The following IGDCC3 variants were observed in gnomAD, a reference collection of about 807,000 sequenced individuals.
IGDCC3 encodes putative neuronal cell adhesion molecule.
IGDCC3 carries 47 observed loss-of-function variants against 72.0 expected under a neutral mutation model. The ratio of observed to expected loss-of-function variants is 0.65; its 90% confidence interval spans 0.52 to 0.83. The LOEUF is 0.83. Ranked by LOEUF, IGDCC3 falls within the 40% of genes least tolerant of loss-of-function variation. IGDCC3 has a pLI of 0.00. For synonymous variants in IGDCC3, 477 were observed against 472.8 expected, an observed-to-expected ratio of 1.01 and a Z score of -0.11; for missense variants, 1,038 against 1,091.3, an observed-to-expected ratio of 0.95 and a Z score of 0.69.
intron 2 of IGDCC3, among the ~76,000 whole-genome samples, chr15:65,353,190 C>T (rs1475553398): frequency 2.8e-5 from 4 of 144,416 alleles, no homozygotes; most frequent in Admixed American, 7.0e-5. Flanking sequence ...GACAAGCGTA[C>T]TTTTTTTTTT....
rs570838688 is a variant in IGDCC3 at position 65,377,605 on chromosome 15, G to A, written c.103+81C>T. ...GGTCCGCGCCGCTCTCCCCGGGTCCGCCCCTCGCGCCCGCTCCCTCCCTGC... is the reference window on the plus strand; with the variant it reads ...GGTCCGCGCCGCTCTCCCCGGGTCCACCCCTCGCGCCCGCTCCCTCCCTGC... On this transcript the variant is annotated intron_variant, in intron 1 of 13. Transcript: ENST00000327987. The surrounding 1 kb of genome is among the most constrained non-coding windows in gnomAD (Gnocchi z 4.9). The A allele has an allele frequency of 3.1e-6, 4 of 1,282,344 alleles. No homozygotes were observed. The highest frequency in any genetic ancestry group is 1.6e-5 in the African/African-American group (1 of 63,582). 79.4% of individuals were successfully genotyped at this position (1,282,344 alleles called of 1,614,324 possible). A position where few individuals can be genotyped will look rare whatever the true frequency, so the allele number is the denominator to read the frequency against.
At chr15:65,336,520 G>C (rs1481849288) in intron 2 of IGDCC3, among the ~76,000 whole-genome samples, 1 of 151,486 alleles carries the variant, frequency 6.6e-6, no homozygotes, top group East Asian at 1.9e-4. Flanking sequence ...GCTTTTTTTT[G>C]GTCCCTCCTT....
chr15:65,376,482 G>C (rs2091359382), intron 1 of IGDCC3, among the ~76,000 whole-genome samples: 1 of 152,216 alleles, frequency 6.6e-6, no homozygotes, highest in Non-Finnish European at 1.5e-5. Context: ...CAGATAACTA[G>C]CGATCCTGGA....
In IGDCC3 at chr15:65,329,720, AC is replaced by A; in HGVS notation, c.1997+5del. On this transcript the variant is annotated splice_donor_5th_base_variant and intron_variant, in intron 12 of 13. Coordinates refer to ENST00000327987, the MANE Select transcript of IGDCC3 (RefSeq NM_004884.4). The surrounding 1 kb of genome is among the most constrained non-coding windows in gnomAD (Gnocchi z 4.1). ...GCCCAGCCCCTCTCCCTGGCCCAGG[AC>A]CCACCTGCCCCTTTGGCCGAACAGG... 6.2e-7 allele frequency: 1 copy of A among 1,613,982 alleles called. No homozygotes were observed. The highest frequency in any genetic ancestry group is 8.5e-7 in the Non-Finnish European group (1 of 1,179,964).
chr15:65,345,722 A>G (rs2091119584), intron 2 of IGDCC3, among the ~76,000 whole-genome samples: 1 of 152,238 alleles, frequency 6.6e-6, no homozygotes, highest in Non-Finnish European at 1.5e-5. Flanking sequence ...ATGGTTCTGA[A>G]AAACAAAGAC....
At chr15:65,341,081 C>T (rs969655277) in intron 2 of IGDCC3, among the ~76,000 whole-genome samples, 2 of 152,066 alleles carry the variant, frequency 1.3e-5, no homozygotes, top group Non-Finnish European at 1.5e-5. Flanking sequence ...GTGGCCAGTC[C>T]AAATTGAGAT....
intron 2 of IGDCC3, chr15:65,373,770 G>A (rs1441503676): frequency 2.0e-5 from 3 of 152,674 alleles, no homozygotes; most frequent in Non-Finnish European, 4.4e-5. Context: ...CAGGGCTGTT[G>A]TGATGACAAA....
chr15:65,363,632 G>C (rs924280099), intron 2 of IGDCC3, among the ~76,000 whole-genome samples: 3 of 151,548 alleles, frequency 2.0e-5, no homozygotes, highest in African/African-American at 7.3e-5. Flanking sequence ...GATGATTATG[G>C]CTTCTCCCTG....
At chr15:65,344,929 G>A (rs1274557721) in intron 2 of IGDCC3, among the ~76,000 whole-genome samples, 1 of 152,072 alleles carries the variant, frequency 6.6e-6, no homozygotes, top group Non-Finnish European at 1.5e-5. Context: ...CAGGGAGGAG[G>A]GAAAGGGAGA....
intron 2 of IGDCC3, among the ~76,000 whole-genome samples, chr15:65,347,965 A>AACAAAAC (rs2091139685): frequency 6.6e-6 from 1 of 151,662 alleles, no homozygotes; most frequent in Admixed American, 6.6e-5. Flanking sequence ...CAACAACAAC[A>AACAAAAC]AAACAAACAA....
intron 2 of IGDCC3, among the ~76,000 whole-genome samples, chr15:65,358,025 G>A (rs1226620222): frequency 1.3e-5 from 2 of 152,000 alleles, no homozygotes; most frequent in African/African-American, 4.8e-5. Context: ...TCTAGGGAGA[G>A]GCTTAAAGCC....
intron 2 of IGDCC3, among the ~76,000 whole-genome samples, chr15:65,350,848 A>G (rs2091168073): frequency 6.6e-6 from 1 of 152,218 alleles, no homozygotes; most frequent in Non-Finnish European, 1.5e-5. Context: ...CGAATTTACC[A>G]AGGTTTTCAC....
At chr15:65,376,181 T>C (rs1408076867) in intron 1 of IGDCC3, among the ~76,000 whole-genome samples, 2 of 152,136 alleles carry the variant, frequency 1.3e-5, no homozygotes, top group African/African-American at 4.8e-5. Flanking sequence ...CCAACTATGG[T>C]TTCCCAAAAC....
intron 2 of IGDCC3, among the ~76,000 whole-genome samples, chr15:65,368,661 G>C (rs2091304530): frequency 6.6e-6 from 1 of 152,166 alleles, no homozygotes; most frequent in African/African-American, 2.4e-5. Context: ...CCTGCATGGA[G>C]GGGGTACCAG....
chr15:65,357,230 CTT>C (rs2091229747), intron 2 of IGDCC3, among the ~76,000 whole-genome samples: 1 of 152,102 alleles, frequency 6.6e-6, no homozygotes, highest in Non-Finnish European at 1.5e-5. Flanking sequence ...CTGATGGGCT[CTT>C]TGACTAATTC....
At chr15:65,376,650 A>T (rs1457904416) in intron 1 of IGDCC3, among the ~76,000 whole-genome samples, 2 of 107,956 alleles carry the variant, frequency 1.9e-5, no homozygotes, top group Non-Finnish European at 3.4e-5. Context: ...GTAATGTTTT[A>T]AGACTTTTTA....
At position 65,375,002 on chromosome 15, in the gene IGDCC3, A is replaced by C; in HGVS notation, c.409+95T>G. ...AGAAATTAGTCCTCCAGAAGGCTGCATAAGATGGGACTGCTCCCGCTGCCC... is the reference window on the plus strand; with the variant it reads ...AGAAATTAGTCCTCCAGAAGGCTGCCTAAGATGGGACTGCTCCCGCTGCCC... On this transcript the variant is annotated intron_variant, in intron 2 of 13. Transcript: ENST00000327987. The C allele has an allele frequency of 2.7e-6, 3 of 1,114,174 alleles. No individual in the cohort carries two copies. In the South Asian group the frequency reaches 4.4e-5, roughly 16 times the overall value. 69.0% of individuals were successfully genotyped at this position (1,114,174 alleles called of 1,614,324 possible).
At chr15:65,357,299 G>A (rs606983) in intron 2 of IGDCC3, among the ~76,000 whole-genome samples, 58,547 of 151,970 alleles carry the variant, frequency 0.39, 11,436 homozygotes, top group East Asian at 0.48. Context: ...TTTATTAAAT[G>A]ATTAATCAAT....
rs746992895 is a variant in IGDCC3, at chr15:65,329,129, G to A, written c.2225C>T (p.Ala742Val). The part of the protein sequence containing the change: ...PRPTQDPAAP[A>V]PCEETQLSVL... ...GGAGAGCTGGGTCTCCTCACACGGAGCGGGGGCTGCAGGATCCTGCTGGGG... is the reference window on the plus strand; with the variant it reads ...GGAGAGCTGGGTCTCCTCACACGGAACGGGGGCTGCAGGATCCTGCTGGGG... The change falls in exon 14 of 14, where the codon GCT becomes GTT. Residue 742 changes from alanine to valine, a missense_variant. Physicochemically the swap from Ala to Val is moderately conservative, Grantham distance 64. Transcript: ENST00000327987. This position sits in a 1 kb window ranked among gnomAD's most constrained non-coding sequence, Gnocchi z 4.1. 1 of 1,608,994 alleles carries A rather than the reference G, an allele frequency of 6.2e-7. No individual in the cohort carries two copies. Among genetic ancestry groups the A allele is most frequent in the Non-Finnish European group, 8.5e-7 (1 of 1,178,434 alleles).
Sources: allele counts gnomAD v4.1 joint callset (sites outside exome capture counted in the v4.1 genomes callset), GRCh38; gene constraint gnomAD v4.1.1; non-coding constraint Gnocchi (gnomAD v3.1); transcripts MANE v1.5; gene names NCBI Gene and HGNC (gene_info 2026-07-23, HGNC 2026-07-21).